UBASH3B: variants seen among roughly 807,000 people sequenced by gnomAD.
The protein encoded by UBASH3B is ubiquitin-associated and SH3 domain-containing protein B.
Under a neutral mutation model 83.4 loss-of-function variants are expected in UBASH3B, and 37 were observed. The ratio of observed to expected loss-of-function variants is 0.44; its 90% CI spans 0.34 to 0.58. The LOEUF is 0.58. Ranked by LOEUF, UBASH3B falls within the 20% of genes least tolerant of loss-of-function variation. The pLI is 0.01. For synonymous variants in UBASH3B, 304 were observed against 318.3 expected, an observed-to-expected ratio of 0.96 and a Z score of 0.48; for missense variants, 657 against 827.2, an observed-to-expected ratio of 0.79 and a Z score of 2.52.
chr11:122,795,239 T>C (rs758865623), intron 7 of UBASH3B, among the ~76,000 whole-genome samples: 3 of 152,148 alleles, frequency 2.0e-5, no homozygotes, highest in Admixed American at 2.0e-4. Context: ...AGGTTGGAGA[T>C]GGAAGGAGGC....
chr11:122,812,228 C>T lies in UBASH3B; in HGVS notation c.*2342C>T, dbSNP rs1389493363. 2.0e-5 allele frequency: 3 copies of T among 149,656 alleles called. No homozygotes were observed. Among genetic ancestry groups the T allele is most frequent in the African/African-American group, 7.3e-5 (3 of 40,940 alleles). 9.3% of individuals were successfully genotyped at this position (149,656 alleles called of 1,614,324 possible). A position where few individuals can be genotyped will look rare whatever the true frequency, so the allele number is the denominator to read the frequency against. Reference sequence around the variant, plus strand: ...GTGGAAAACAAGAAAGATTGTATTTCTCTGCTTTCATTTCAATTTCATTAT... The same window carrying T: ...GTGGAAAACAAGAAAGATTGTATTTTTCTGCTTTCATTTCAATTTCATTAT... On this transcript the variant is annotated 3_prime_UTR_variant, in exon 14 of 14. Transcript: ENST00000284273.
At chr11:122,669,375 CTCTG>C (rs1370537089) in intron 1 of UBASH3B, among the ~76,000 whole-genome samples, 3 of 152,200 alleles carry the variant, frequency 2.0e-5, no homozygotes, top group Admixed American at 6.5e-5. Context: ...CACCTCCTGT[CTCTG>C]TCTGTGACTC....
intron 10 of UBASH3B, among the ~76,000 whole-genome samples, chr11:122,800,782 A>G (rs1861244929): frequency 6.6e-6 from 1 of 151,732 alleles, no homozygotes; most frequent in South Asian, 2.1e-4. Context: ...TAATGTTTGT[A>G]TTTTTGGTAG....
At chr11:122,786,590 G>A (rs1199706027) in intron 5 of UBASH3B, among the ~76,000 whole-genome samples, 3 of 152,160 alleles carry the variant, frequency 2.0e-5, no homozygotes, top group Non-Finnish European at 4.4e-5. Flanking sequence ...CCGGGAGGCA[G>A]AGGTTGCAGT....
At chr11:122,687,816 G>A (rs940893567) in intron 1 of UBASH3B, among the ~76,000 whole-genome samples, 1 of 152,094 alleles carries the variant, frequency 6.6e-6, no homozygotes, top group African/African-American at 2.4e-5. Flanking sequence ...GTGTCTCCAA[G>A]ATGAGAGAAT....
At chr11:122,771,937 G>C (rs543604900) in intron 1 of UBASH3B, among the ~76,000 whole-genome samples, 3 of 152,198 alleles carry the variant, frequency 2.0e-5, no homozygotes, top group Admixed American at 1.3e-4. Flanking sequence ...ATTGATTTTC[G>C]CTGGATACTT....
At chr11:122,751,660 T>G (rs746041569) in intron 1 of UBASH3B, among the ~76,000 whole-genome samples, 20 of 152,220 alleles carry the variant, frequency 1.3e-4, no homozygotes, top group Non-Finnish European at 2.4e-4. Context: ...GTGTTTATTA[T>G]GAAGGGAATG....
chr11:122,683,488 G>A (rs902789687), intron 1 of UBASH3B, among the ~76,000 whole-genome samples: 9 of 151,638 alleles, frequency 5.9e-5, no homozygotes, highest in African/African-American at 1.2e-4. Flanking sequence ...GGTGGCGCAC[G>A]CCTGTAATCC....
chr11:122,800,202 C>A (rs1260825619), intron 10 of UBASH3B, among the ~76,000 whole-genome samples: 1 of 152,048 alleles, frequency 6.6e-6, no homozygotes. Context: ...CAGAGACTAT[C>A]TGAAGTTTCT....
intron 1 of UBASH3B, among the ~76,000 whole-genome samples, chr11:122,700,017 G>T (rs565982919): frequency 3.9e-4 from 59 of 152,298 alleles, no homozygotes; most frequent in African/African-American, 1.3e-3. Context: ...CGTGTTGTTG[G>T]TGGTGCTTTA....
intron 1 of UBASH3B, among the ~76,000 whole-genome samples, chr11:122,767,203 G>A (rs1050270128): frequency 1.1e-4 from 16 of 151,888 alleles, no homozygotes; most frequent in South Asian, 4.2e-4. Context: ...GCTTGAACCC[G>A]GGAAGCGGAG....
At chr11:122,795,794 G>A (rs1861143600) in intron 7 of UBASH3B, among the ~76,000 whole-genome samples, 2 of 152,106 alleles carry the variant, frequency 1.3e-5, no homozygotes, top group African/African-American at 2.4e-5. Context: ...CTTTTTGGGG[G>A]GAAGGTGCCC....
intron 1 of UBASH3B, among the ~76,000 whole-genome samples, chr11:122,658,112 G>T (rs1198177011): frequency 6.7e-6 from 1 of 149,560 alleles, no homozygotes; most frequent in Non-Finnish European, 1.5e-5. Flanking sequence ...GTAGGTGGAG[G>T]TTGTAGTGAG....
intron 1 of UBASH3B, among the ~76,000 whole-genome samples, chr11:122,658,256 C>T (rs1188439587): frequency 1.3e-5 from 2 of 151,416 alleles, no homozygotes; most frequent in African/African-American, 4.9e-5. Context: ...TAGTCTCAGG[C>T]TACTGCCTTT....
intron 1 of UBASH3B, among the ~76,000 whole-genome samples, chr11:122,730,997 A>T (rs1035605821): frequency 2.6e-5 from 4 of 152,156 alleles, no homozygotes; most frequent in African/African-American, 9.7e-5. Context: ...AGGTTCTGCC[A>T]TGTCTGCAAT....
rs1861442791 is a variant in UBASH3B, at chr11:122,811,229, G to A, written c.*1343G>A. 1 of 152,524 alleles carries A rather than the reference G, an allele frequency of 6.6e-6. No homozygotes were observed. Among genetic ancestry groups the A allele is most frequent in the Admixed American group, 6.5e-5 (1 of 15,272 alleles). The allele number at this position is 152,524 out of a possible 1,614,324, so 9.4% of individuals were successfully genotyped here. A position where few individuals can be genotyped will look rare whatever the true frequency, so the allele number is the denominator to read the frequency against. The stretch of plus-strand genomic sequence containing the variant: ...CTGACTGTTGATGGCCACAGATGAT[G>A]GTCTCCTATGGTATAGTTCACTCTG... On this transcript the variant is annotated 3_prime_UTR_variant, in exon 14 of 14. Coordinates refer to ENST00000284273, the MANE Select transcript of UBASH3B (RefSeq NM_032873.5).
chr11:122,729,795 CAA>C (rs71054092), intron 1 of UBASH3B, among the ~76,000 whole-genome samples: 579 of 40,868 alleles, frequency 0.014, 1 homozygote, highest in South Asian at 0.023. Flanking sequence ...CCTATCTCTA[CAA>C]AAAAAAAAAA....
At chr11:122,768,466 A>AGGTGTGTGTG (rs745861229) in intron 1 of UBASH3B, among the ~76,000 whole-genome samples, 3 of 128,984 alleles carry the variant, frequency 2.3e-5, no homozygotes, top group Non-Finnish European at 4.7e-5. Context: ...AGAGATATAT[A>AGGTGTGTGTG]TGTATGTGTG....
At position 122,657,982 on chromosome 11, in the gene UBASH3B, C is replaced by T. The variant is rs1426752103; in HGVS notation, c.161+1772C>T. Among the ~76,000 whole-genome samples, 3 of 152,134 alleles carry T rather than the reference C, an allele frequency of 2.0e-5. No homozygotes were observed. The East Asian group carries it at 5.8e-4, about 29-fold the overall frequency. ...CTTGAGATCAGAAGTTTGAGACCAG[C>T]CTGGCCAACATGGTGAAACCCTGTC... is the stretch of plus-strand genomic sequence containing the variant. On this transcript the variant is annotated intron_variant, in intron 1 of 13. Coordinates refer to ENST00000284273, the MANE Select transcript of UBASH3B (RefSeq NM_032873.5).
Sources: gnomAD v4.1 joint callset for allele counts (sites outside exome capture counted in the v4.1 genomes callset) on GRCh38, gnomAD v4.1.1 for gene constraint, MANE v1.5 for transcripts, NCBI Gene and HGNC (gene_info 2026-07-23, HGNC 2026-07-21) for gene names.